Variants in SORCS2 observed in about 807,000 individuals in gnomAD.
SORCS2 encodes the protein sortilin related VPS10 domain containing receptor 2.
SORCS2 carries 100 observed loss-of-function variants against 141.6 expected under a neutral mutation model. The ratio of observed to expected loss-of-function variants is 0.71; its 90% CI spans 0.60 to 0.83. The LOEUF is 0.83. Among genes scored for constraint, SORCS2 ranks in the 40% least tolerant of loss-of-function variants. The pLI is 0.00. For missense variants in SORCS2, 1,646 were observed against 1,560.2 expected, an observed-to-expected ratio of 1.05 and a Z score of -0.93; for synonymous variants, 789 against 676.9, an observed-to-expected ratio of 1.17 and a Z score of -2.57.
intron 2 of SORCS2, among the ~76,000 whole-genome samples, chr4:7,398,456 C>A (rs888453975): frequency 6.6e-6 from 1 of 152,226 alleles, no homozygotes; most frequent in Non-Finnish European, 1.5e-5. Flanking sequence ...TTCTCCAAAG[C>A]AAATTGACAG....
intron 1 of SORCS2, among the ~76,000 whole-genome samples, chr4:7,361,914 C>T (rs1037865334): frequency 5.3e-4 from 12 of 22,804 alleles, no homozygotes; most frequent in African/African-American, 1.3e-3. Context: ...GGGGAGGACG[C>T]GGGGAGGGCG....
chr4:7,500,104 C>G (rs898727856), intron 2 of SORCS2, among the ~76,000 whole-genome samples: 1 of 152,168 alleles, frequency 6.6e-6, no homozygotes, highest in Non-Finnish European at 1.5e-5. Flanking sequence ...CTTCTGGCAC[C>G]CCCATCCTGC....
Position 7,654,196 on chromosome 4 carries a change from C to T in SORCS2, c.876C>T (p.Asp292=). Reference sequence around the variant, plus strand: ...TTCTGCAAGAGCGAGTGACCAAAGACCACGTGTTCTGGTGAGAGCACTTCC... The same window carrying T: ...TTCTGCAAGAGCGAGTGACCAAAGATCACGTGTTCTGGTGAGAGCACTTCC... The part of the protein sequence containing the change: ...WTLLQERVTK[D]HVFWSVSGVD... The change falls in exon 5 of 27, where the codon GAC becomes GAT. Residue 292 remains aspartate (D), a synonymous_variant. Coordinates refer to ENST00000507866, the MANE Select transcript of SORCS2 (RefSeq NM_020777.3). 1 of 1,577,972 alleles carries T rather than the reference C, an allele frequency of 6.3e-7. No individual in the cohort carries two copies. Among genetic ancestry groups the T allele is most frequent in the Non-Finnish European group, 8.6e-7 (1 of 1,160,346 alleles).
At chr4:7,257,746 C>T (rs1352282344) in intron 1 of SORCS2, among the ~76,000 whole-genome samples, 1 of 152,240 alleles carries the variant, frequency 6.6e-6, no homozygotes, top group Non-Finnish European at 1.5e-5. Context: ...CTCCTCTGGC[C>T]TCCCCCAGCC....
intron 3 of SORCS2, among the ~76,000 whole-genome samples, chr4:7,621,403 C>G (rs1719166748): frequency 6.7e-6 from 1 of 148,606 alleles, no homozygotes; most frequent in East Asian, 2.0e-4. Context: ...ATGTGTGTGT[C>G]TGTGTGCATG....
intron 18 of SORCS2, among the ~76,000 whole-genome samples, chr4:7,719,580 C>G (rs10001090): frequency 0.16 from 23,616 of 152,194 alleles, 3,317 homozygotes; most frequent in African/African-American, 0.38. Context: ...GGCCTAGGAC[C>G]CACACTCCTC....
intron 1 of SORCS2, among the ~76,000 whole-genome samples, chr4:7,390,172 A>G (rs978681641): frequency 2.6e-5 from 4 of 152,082 alleles, no homozygotes; most frequent in African/African-American, 2.4e-5. Flanking sequence ...TCAATGGGGT[A>G]TTGATTTTGG....
intron 3 of SORCS2, among the ~76,000 whole-genome samples, chr4:7,626,395 G>A (rs1323632376): frequency 6.6e-6 from 1 of 151,958 alleles, no homozygotes; most frequent in African/African-American, 2.4e-5. Context: ...CATTCCATAG[G>A]TGTTTCACAC....
In SORCS2 at chr4:7,676,162, C is replaced by T. The variant is rs768814481; in HGVS notation, c.1274C>T (p.Ala425Val). The T allele has an allele frequency of 5.1e-5, 80 of 1,559,782 alleles. No homozygotes were observed. Among genetic ancestry groups the T allele is most frequent in the Middle Eastern group, 1.7e-4 (1 of 6,012 alleles). Reference sequence around the variant, plus strand: ...TCGGACCCACGGGGCGTGCGCTACGCGCTGGTGCTGCAGGACGTGCGCAGC... The same window carrying T: ...TCGGACCCACGGGGCGTGCGCTACGTGCTGGTGCTGCAGGACGTGCGCAGC... ...YQSDPRGVRY[A>V]LVLQDVRSSR... The change falls in exon 9 of 27, where the codon GCG becomes GTG. Residue 425 changes from alanine to valine, a missense_variant. Transcript: ENST00000507866.
intron 3 of SORCS2, among the ~76,000 whole-genome samples, chr4:7,560,483 G>T (rs567960496): frequency 6.6e-6 from 1 of 152,282 alleles, no homozygotes; most frequent in South Asian, 2.1e-4. Flanking sequence ...CTCTAAGGTG[G>T]AGGTGACAGT....
intron 11 of SORCS2, among the ~76,000 whole-genome samples, chr4:7,690,401 T>C (rs1293484304): frequency 2.1e-5 from 3 of 145,314 alleles, no homozygotes; most frequent in African/African-American, 5.2e-5. Context: ...AGATGCTGAA[T>C]TGATGGATGG....
chr4:7,430,143 G>C (rs1382721381), intron 2 of SORCS2, among the ~76,000 whole-genome samples: 1 of 152,138 alleles, frequency 6.6e-6, no homozygotes, highest in Non-Finnish European at 1.5e-5. Flanking sequence ...AGCATGGGCT[G>C]TCCCTGACGT....
intron 1 of SORCS2, among the ~76,000 whole-genome samples, chr4:7,265,552 C>T (rs888145300): frequency 6.6e-6 from 1 of 152,132 alleles, no homozygotes; most frequent in Non-Finnish European, 1.5e-5. Flanking sequence ...GCAGGGGTGG[C>T]TCCTGCCTCT....
At chr4:7,261,800 T>C (rs1714345918) in intron 1 of SORCS2, among the ~76,000 whole-genome samples, 1 of 152,312 alleles carries the variant, frequency 6.6e-6, no homozygotes, top group East Asian at 1.9e-4. Context: ...GGCTGTGCCC[T>C]GGGCTTTGCC....
chr4:7,415,712 G>A (rs888250420), intron 2 of SORCS2, among the ~76,000 whole-genome samples: 6 of 152,262 alleles, frequency 3.9e-5, no homozygotes, highest in African/African-American at 1.4e-4. Flanking sequence ...TCAGTTGAAG[G>A]CCTTGCTGGG....
At chr4:7,219,652 AC>A (rs1728578259) in intron 1 of SORCS2, among the ~76,000 whole-genome samples, 1 of 152,200 alleles carries the variant, frequency 6.6e-6, no homozygotes, top group African/African-American at 2.4e-5. Flanking sequence ...GTGAGAACTC[AC>A]TCACTAATCC....
chr4:7,559,415 C>T (rs1469849112), intron 3 of SORCS2, among the ~76,000 whole-genome samples: 4 of 152,306 alleles, frequency 2.6e-5, no homozygotes, highest in African/African-American at 7.2e-5. Context: ...CTGGAGGAGG[C>T]CCAGAGCTCT....
intron 3 of SORCS2, among the ~76,000 whole-genome samples, chr4:7,593,465 C>T (rs7698002): frequency 0.14 from 20,844 of 152,176 alleles, 1,522 homozygotes; most frequent in African/African-American, 0.17. Flanking sequence ...GAGGGACTGT[C>T]CATCTAGCAA....
rs1178197340 is a variant in SORCS2, at chr4:7,247,287, G to A, written c.480+54161G>A. On this transcript the variant is annotated intron_variant, in intron 1 of 26. Transcript: ENST00000507866. ...TGACTAAGAATTACATACTGTAAAC[G>A]GATGTTTCTATCTTTAATTTTTTTT... 4.6e-5 allele frequency among the ~76,000 whole-genome samples: 7 copies of A among 152,178 alleles called. No individual in the cohort carries two copies. In the East Asian group the frequency reaches 5.8e-4, roughly 13 times the overall value.
Sources: allele counts gnomAD v4.1 joint callset (sites outside exome capture counted in the v4.1 genomes callset), GRCh38; gene constraint gnomAD v4.1.1; transcripts MANE v1.5; gene names NCBI Gene and HGNC (gene_info 2026-07-23, HGNC 2026-07-21).